The following CENPP variants were observed in gnomAD, a reference collection of about 807,000 sequenced individuals.
The protein encoded by CENPP is centromere protein P.
CENPP carries 24 observed loss-of-function variants against 35.6 expected under a neutral mutation model. The ratio of observed to expected loss-of-function variants is 0.67; its 90% CI spans 0.49 to 0.95. CENPP has a LOEUF of 0.95. Among genes scored for constraint, CENPP ranks in the 40% least tolerant of loss-of-function variants. CENPP has a pLI of 0.00. For missense variants in CENPP, 332 were observed against 345.3 expected (o/e 0.96, Z 0.31); for synonymous variants, 120 against 125.5 (o/e 0.96, Z 0.29).
At chr9:92,398,048 C>CA (rs78074588) in intron 5 of CENPP, among the ~76,000 whole-genome samples, 5,406 of 152,222 alleles carry the variant, frequency 0.036, 128 homozygotes, top group South Asian at 0.086. Context: ...TCATTATTTA[C>CA]GTATATTTAC....
intron 5 of CENPP, among the ~76,000 whole-genome samples, chr9:92,407,432 A>G (rs1843335764): frequency 6.6e-6 from 1 of 152,218 alleles, no homozygotes; most frequent in South Asian, 2.1e-4. Flanking sequence ...GCAAAGCCAA[A>G]ATCTTTACTA....
At chr9:92,379,924 C>A in intron 5 of CENPP, 65 bp downstream of exon 5, 1 of 937,692 alleles carries the variant, frequency 1.1e-6, no homozygotes, top group South Asian at 1.4e-5. Context: ...ATTGAGAATT[C>A]ATCCCTAACA....
intron 5 of CENPP, among the ~76,000 whole-genome samples, chr9:92,492,608 G>A (rs545971627): frequency 4.6e-5 from 7 of 152,204 alleles, no homozygotes; most frequent in African/African-American, 7.2e-5. Flanking sequence ...TTCTCCCCTC[G>A]TTGGTAACAC....
chr9:92,415,187 G>T, intron 5 of CENPP: 1 of 1,611,658 alleles, frequency 6.2e-7, no homozygotes, highest in Non-Finnish European at 8.5e-7. Context: ...AGGTCAAAGT[G>T]CCCTTCTGCT....
At chr9:92,341,527 C>T (rs1012150654) in intron 3 of CENPP, 21 of 152,268 alleles carry the variant, frequency 1.4e-4, no homozygotes, top group South Asian at 4.1e-4. Flanking sequence ...AGCCGGCCGA[C>T]GCTTAGGAAA....
chr9:92,377,400 C>G (rs967343676), intron 4 of CENPP, among the ~76,000 whole-genome samples: 1 of 152,164 alleles, frequency 6.6e-6, no homozygotes, highest in Non-Finnish European at 1.5e-5. Flanking sequence ...TCAAGACAAA[C>G]AATTCCTTGA....
At chr9:92,378,315 AT>A (rs1220337956) in intron 4 of CENPP, among the ~76,000 whole-genome samples, 1 of 151,920 alleles carries the variant, frequency 6.6e-6, no homozygotes, top group African/African-American at 2.4e-5. Flanking sequence ...GTTTCTTCTC[AT>A]TTTGCATGAT....
intron 4 of CENPP, among the ~76,000 whole-genome samples, chr9:92,362,753 A>G (rs1841789374): frequency 6.6e-6 from 1 of 152,124 alleles, no homozygotes; most frequent in African/African-American, 2.4e-5. Context: ...CAAAATGATG[A>G]TTTTTCAACT....
At chr9:92,564,365 G>C (rs1165493002) in intron 5 of CENPP, among the ~76,000 whole-genome samples, 1 of 151,822 alleles carries the variant, frequency 6.6e-6, no homozygotes, top group African/African-American at 2.4e-5. Context: ...CTCTAGCCTG[G>C]GCAACAGAAC....
At chr9:92,419,133 A>G (rs1564311212) in intron 5 of CENPP, among the ~76,000 whole-genome samples, 1 of 152,154 alleles carries the variant, frequency 6.6e-6, no homozygotes, top group Non-Finnish European at 1.5e-5. Flanking sequence ...CAGTGCTGAA[A>G]CTTGAAGTTC....
At chr9:92,588,318 G>A (rs933939527) in intron 5 of CENPP, among the ~76,000 whole-genome samples, 3 of 151,320 alleles carry the variant, frequency 2.0e-5, no homozygotes, top group Admixed American at 6.6e-5. Context: ...GCGCGATCTC[G>A]GCTCACTGCA....
chr9:92,464,943 C>G, intron 5 of CENPP: 1 of 1,612,696 alleles, frequency 6.2e-7, no homozygotes, highest in East Asian at 2.2e-5. Flanking sequence ...GTCAGTTTTG[C>G]TTCTGCAATT....
intron 5 of CENPP, among the ~76,000 whole-genome samples, chr9:92,422,174 C>G (rs1184874898): frequency 6.6e-6 from 1 of 152,074 alleles, no homozygotes; most frequent in Non-Finnish European, 1.5e-5. Flanking sequence ...CCTCAGCCTC[C>G]TGAGTAGCTG....
chr9:92,554,474 C>T (rs964134178), intron 5 of CENPP, among the ~76,000 whole-genome samples: 3 of 152,192 alleles, frequency 2.0e-5, no homozygotes, highest in South Asian at 2.1e-4. Context: ...TGAGCCACTG[C>T]GCCCTGCTTT....
chr9:92,417,703 G>A (rs1332759922), intron 5 of CENPP: 7 of 598,176 alleles, frequency 1.2e-5, no homozygotes, highest in Non-Finnish European at 1.9e-5. Flanking sequence ...CAGAAAGAAT[G>A]GGCAGTGCTC....
intron 5 of CENPP, among the ~76,000 whole-genome samples, chr9:92,431,045 C>G (rs1340323795): frequency 6.6e-6 from 1 of 152,184 alleles, no homozygotes; most frequent in Non-Finnish European, 1.5e-5. Flanking sequence ...CCGCCTGCTT[C>G]AGCCTCCCAA....
At chr9:92,352,652 T>C (rs894392618) in intron 4 of CENPP, among the ~76,000 whole-genome samples, 15 of 149,762 alleles carry the variant, frequency 1.0e-4, no homozygotes, top group Admixed American at 1.3e-4. Context: ...ACTGAAAAAC[T>C]TGGAATTCAG....
At chr9:92,546,192 C>T (rs572490159) in intron 5 of CENPP, among the ~76,000 whole-genome samples, 1 of 152,318 alleles carries the variant, frequency 6.6e-6, no homozygotes, top group South Asian at 2.1e-4. Flanking sequence ...AGTCAGTACC[C>T]TGTCAAAACG....
At chr9:92,591,413 T>C (rs1172722963) in intron 5 of CENPP, among the ~76,000 whole-genome samples, 3 of 150,482 alleles carry the variant, frequency 2.0e-5, no homozygotes, top group Non-Finnish European at 4.4e-5. Context: ...AGCAAGACTC[T>C]GTCTCAAAAT....
Sources: gnomAD v4.1 joint callset for allele counts (sites outside exome capture counted in the v4.1 genomes callset) on GRCh38, gnomAD v4.1.1 for gene constraint, MANE v1.5 for transcripts, NCBI Gene and HGNC (gene_info 2026-07-23, HGNC 2026-07-21) for gene names.